The following PRKN variants were observed in gnomAD, a reference collection of about 807,000 sequenced individuals.
PRKN encodes the protein parkin RBR E3 ubiquitin protein ligase.
A neutral mutation model predicts 59.5 loss-of-function variants in PRKN; 56 were observed. That is an observed-to-expected ratio of 0.94 (90% confidence interval 0.76 to 1.18). PRKN has a LOEUF of 1.18. PRKN is among the 50% of genes most tolerant of loss of function. The pLI, the probability that PRKN is intolerant of heterozygous loss-of-function variation, is 0.00. For missense variants in PRKN, 657 were observed against 596.4 expected (o/e 1.10, Z -1.06); for synonymous variants, 250 against 222.1 (o/e 1.13, Z -1.12).
intron 1 of PRKN, among the ~76,000 whole-genome samples, chr6:162,637,811 C>T (rs1218600694): frequency 6.6e-6 from 1 of 152,140 alleles, no homozygotes; most frequent in African/African-American, 2.4e-5. Flanking sequence ...GTCACTATTT[C>T]AAATTACTTA....
rs72176979 is a variant in PRKN at position 161,873,983 on chromosome 6, T to TATATG, written c.735-88080_735-88076dup. Among the ~76,000 whole-genome samples the TATATG allele has an allele frequency of 5.6e-4, 5 of 8,872 alleles. 1 individual carries two copies. Among genetic ancestry groups the TATATG allele is most frequent in the East Asian group, 3.1e-3 (5 of 1,634 alleles). The allele number at this position is 8,872 out of a possible 152,430, so 5.8% of individuals were successfully genotyped here. A position where few individuals can be genotyped will look rare whatever the true frequency, so the allele number is the denominator to read the frequency against. On this transcript the variant is annotated intron_variant, in intron 6 of 11. Coordinates refer to ENST00000366898, the MANE Select transcript of PRKN (RefSeq NM_004562.3). ...TATGTAAAATATAATATATAAAATA[T>TATATG]ATATGTAAAATATAATATATAAAAT...
intron 1 of PRKN, among the ~76,000 whole-genome samples, chr6:162,518,528 G>A (rs1405163212): frequency 2.6e-5 from 4 of 151,986 alleles, no homozygotes; most frequent in Non-Finnish European, 5.9e-5. Flanking sequence ...CACCACGTAT[G>A]GCTAATTTTT....
chr6:162,359,455 A>G (rs1583437156), intron 2 of PRKN, among the ~76,000 whole-genome samples: 2 of 152,182 alleles, frequency 1.3e-5, no homozygotes, highest in South Asian at 4.2e-4. Context: ...CAATCACTTG[A>G]CTTTTAACCA....
intron 1 of PRKN, among the ~76,000 whole-genome samples, chr6:162,680,698 CTATT>C (rs771846400): frequency 2.6e-4 from 40 of 152,190 alleles, no homozygotes; most frequent in Non-Finnish European, 4.7e-4. Context: ...GTGGAGCTCA[CTATT>C]TAGGTAATAA....
chr6:162,000,480 T>G lies in PRKN; in HGVS notation c.619-27063A>C, dbSNP rs142641909. Among the ~76,000 whole-genome samples, 971 of 152,260 alleles carry G rather than the reference T, an allele frequency of 6.4e-3. 6 individuals carry two copies. The highest frequency in any genetic ancestry group is 0.011 in the Non-Finnish European group (763 of 68,000). ...TTGAGAAGTATCTGTTCAGGTCTTT[T>G]GCCCATTTTTAATCAGGTTGTCTGT... On this transcript the variant is annotated intron_variant, in intron 5 of 11. Transcript: ENST00000366898.
intron 1 of PRKN, among the ~76,000 whole-genome samples, chr6:162,691,455 C>A (rs1777771340): frequency 6.6e-6 from 1 of 152,092 alleles, no homozygotes; most frequent in Admixed American, 6.6e-5. Flanking sequence ...AACACCCCCA[C>A]TTACCATCAA....
At chr6:162,302,691 A>G (rs1310778840) in intron 2 of PRKN, among the ~76,000 whole-genome samples, 1 of 151,986 alleles carries the variant, frequency 6.6e-6, no homozygotes, top group Non-Finnish European at 1.5e-5. Flanking sequence ...CACTCCAAAC[A>G]CAGAACACAT....
chr6:162,015,368 G>C (rs1782895935), intron 5 of PRKN, among the ~76,000 whole-genome samples: 1 of 152,062 alleles, frequency 6.6e-6, no homozygotes, highest in Admixed American at 6.6e-5. Context: ...TCAGAAACTA[G>C]AGAAAAAAAG....
chr6:161,777,659 T>A (rs111659937), intron 7 of PRKN, among the ~76,000 whole-genome samples: 18 of 133,250 alleles, frequency 1.4e-4, no homozygotes, highest in Non-Finnish European at 2.6e-4. Context: ...TATATATATA[T>A]TATATATATG....
At chr6:161,661,385 C>T (rs934657403) in intron 7 of PRKN, among the ~76,000 whole-genome samples, 1 of 152,140 alleles carries the variant, frequency 6.6e-6, no homozygotes, top group Admixed American at 6.5e-5. Context: ...GTGTCTGCAG[C>T]TCCATCTGCC....
chr6:161,861,028 C>T (rs960615481), intron 6 of PRKN, among the ~76,000 whole-genome samples: 4 of 152,188 alleles, frequency 2.6e-5, no homozygotes, highest in African/African-American at 9.7e-5. Flanking sequence ...GTGGCGATTC[C>T]TCAATCATCT....
intron 4 of PRKN, among the ~76,000 whole-genome samples, chr6:162,068,868 T>C (rs1778451886): frequency 6.6e-6 from 1 of 152,114 alleles, no homozygotes; most frequent in African/African-American, 2.4e-5. Context: ...TTCATGTCTG[T>C]CCATGCCCCG....
chr6:162,526,533 C>A (rs1046801326), intron 1 of PRKN, among the ~76,000 whole-genome samples: 47 of 151,564 alleles, frequency 3.1e-4, no homozygotes, highest in African/African-American at 1.1e-3. Context: ...GCCTGCAGTC[C>A]CAGCTACTCA....
At chr6:161,903,966 A>G (rs1449298170) in intron 6 of PRKN, among the ~76,000 whole-genome samples, 1 of 151,850 alleles carries the variant, frequency 6.6e-6, no homozygotes, top group African/African-American at 2.4e-5. Flanking sequence ...GGGCAGGAGA[A>G]ACAGGAGGGA....
chr6:161,803,843 T>C (rs1288896474), intron 6 of PRKN, among the ~76,000 whole-genome samples: 1 of 152,098 alleles, frequency 6.6e-6, no homozygotes, highest in South Asian at 2.1e-4. Flanking sequence ...ATGCATTTCA[T>C]AAAGGAAGCA....
chr6:162,419,549 A>G (rs1244294406), intron 2 of PRKN, among the ~76,000 whole-genome samples: 1 of 152,230 alleles, frequency 6.6e-6, no homozygotes, highest in East Asian at 1.9e-4. Context: ...AGGGTCAACA[A>G]GCTGGAACCC....
At chr6:161,807,727 C>G (rs539048439) in intron 6 of PRKN, among the ~76,000 whole-genome samples, 106 of 152,302 alleles carry the variant, frequency 7.0e-4, no homozygotes, top group African/African-American at 2.3e-3. Context: ...CGTCTTCCCT[C>G]TCCTCCCCTT....
At chr6:161,506,509 A>G (rs569858868) in intron 9 of PRKN, among the ~76,000 whole-genome samples, 38 of 152,314 alleles carry the variant, frequency 2.5e-4, no homozygotes, top group Non-Finnish European at 4.3e-4. Context: ...CATTTACGTT[A>G]CCTGCAAACT....
intron 4 of PRKN, among the ~76,000 whole-genome samples, chr6:162,121,168 G>T (rs948934127): frequency 2.6e-5 from 4 of 152,152 alleles, no homozygotes; most frequent in African/African-American, 9.7e-5. Flanking sequence ...GACTACATTT[G>T]CAGAAATGTT....
Sources: gnomAD v4.1 joint callset for allele counts (sites outside exome capture counted in the v4.1 genomes callset) on GRCh38, gnomAD v4.1.1 for gene constraint, MANE v1.5 for transcripts, NCBI Gene and HGNC (gene_info 2026-07-23, HGNC 2026-07-21) for gene names.